Variants in CSMD1 observed in about 807,000 individuals in gnomAD.
The protein encoded by CSMD1 is CUB and Sushi multiple domains 1.
In CSMD1, 213 loss-of-function variants were observed where a neutral mutation model predicts 417.5. That is an observed-to-expected ratio of 0.51 (90% CI 0.46 to 0.57). The LOEUF is 0.57. Ranked by LOEUF, CSMD1 falls within the 20% of genes least tolerant of loss-of-function variation. The pLI, the probability that CSMD1 is intolerant of heterozygous loss-of-function variation, is 0.00. For synonymous variants in CSMD1, 2,862 were observed against 1,736.8 expected (o/e 1.65, Z -16.11); for missense variants, 6,923 against 4,529.7 (o/e 1.53, Z -15.17).
At chr8:4,751,555 G>C (rs535937010) in intron 1 of CSMD1, among the ~76,000 whole-genome samples, 1 of 152,204 alleles carries the variant, frequency 6.6e-6, no homozygotes, top group East Asian at 1.9e-4. Flanking sequence ...AAGATTTTAT[G>C]ATCCTAATAG....
chr8:3,641,437 T>C lies in CSMD1; in HGVS notation c.1010-24640A>G, dbSNP rs536200474. 7.2e-5 allele frequency among the ~76,000 whole-genome samples: 11 copies of C among 152,308 alleles called. No homozygotes were observed. The South Asian group carries it at 1.7e-3, about 23-fold the overall frequency. The stretch of plus-strand genomic sequence containing the variant: ...AATTGGGTTCTTCTTATAACCCACA[T>C]CACTCCTACTTTATCAGTAAGTGGT... On this transcript the variant is annotated intron_variant, in intron 7 of 69. Coordinates refer to ENST00000635120, the MANE Select transcript of CSMD1 (RefSeq NM_033225.6).
intron 23 of CSMD1, among the ~76,000 whole-genome samples, chr8:3,309,178 C>A (rs1165948672): frequency 1.3e-5 from 2 of 152,134 alleles, no homozygotes; most frequent in Non-Finnish European, 2.9e-5. Context: ...CAACCTAGAC[C>A]TCCAAGGAAG....
intron 1 of CSMD1, among the ~76,000 whole-genome samples, chr8:4,639,251 A>T (rs1310168160): frequency 2.1e-4 from 28 of 131,442 alleles, no homozygotes; most frequent in Non-Finnish European, 2.4e-4. Flanking sequence ...GTGGTTGTCA[A>T]TTTTTTTTTT....
chr8:3,276,005 C>G (rs562665932), intron 26 of CSMD1, among the ~76,000 whole-genome samples: 25 of 152,310 alleles, frequency 1.6e-4, no homozygotes, highest in African/African-American at 6.0e-4. Flanking sequence ...GAGAGGCACT[C>G]TGCTTTTTAG....
chr8:4,164,512 G>A (rs1211246457), intron 3 of CSMD1, among the ~76,000 whole-genome samples: 5 of 151,960 alleles, frequency 3.3e-5, no homozygotes, highest in Non-Finnish European at 7.4e-5. Flanking sequence ...TCCTACCAAT[G>A]TCCCCAGGCG....
At chr8:3,792,838 T>G (rs1433704107) in intron 5 of CSMD1, among the ~76,000 whole-genome samples, 1 of 152,202 alleles carries the variant, frequency 6.6e-6, no homozygotes, top group Non-Finnish European at 1.5e-5. Context: ...TGTATTTGAC[T>G]TGAAGCACAG....
At chr8:4,529,897 ATTTT>A (rs1286671702) in intron 2 of CSMD1, among the ~76,000 whole-genome samples, 8 of 147,338 alleles carry the variant, frequency 5.4e-5, no homozygotes, top group African/African-American at 2.0e-4. Context: ...AATTTATTTA[ATTTT>A]TTTATTTTTA....
At chr8:4,278,296 A>G (rs927235664) in intron 3 of CSMD1, among the ~76,000 whole-genome samples, 1 of 152,172 alleles carries the variant, frequency 6.6e-6, no homozygotes, top group Admixed American at 6.5e-5. Flanking sequence ...CAAGGAGGTT[A>G]AAAACACAGC....
intron 5 of CSMD1, among the ~76,000 whole-genome samples, chr8:3,938,720 A>G (rs2627529): frequency 0.45 from 68,173 of 152,026 alleles, 15,366 homozygotes; most frequent in East Asian, 0.54. Flanking sequence ...AGACCCAAAC[A>G]TAAGTTGTTT....
chr8:4,072,963 C>T (rs571911121), intron 3 of CSMD1, among the ~76,000 whole-genome samples: 6 of 152,212 alleles, frequency 3.9e-5, no homozygotes, highest in Middle Eastern at 3.4e-3. Context: ...AAATTTTGCT[C>T]GTGACATCAG....
chr8:4,690,972 C>T (rs545171563), intron 1 of CSMD1, among the ~76,000 whole-genome samples: 6 of 152,154 alleles, frequency 3.9e-5, no homozygotes, highest in Non-Finnish European at 7.3e-5. Flanking sequence ...CATGATCTGC[C>T]TGCCGTGGCC....
intron 3 of CSMD1, among the ~76,000 whole-genome samples, chr8:4,351,803 T>C (rs900704752): frequency 2.0e-5 from 3 of 152,068 alleles, no homozygotes; most frequent in Middle Eastern, 3.2e-3. Flanking sequence ...GAATCCAGCA[T>C]CTCAAAAGGA....
chr8:4,030,782 C>T (rs887600410), intron 4 of CSMD1, among the ~76,000 whole-genome samples: 3 of 152,132 alleles, frequency 2.0e-5, no homozygotes, highest in Admixed American at 6.5e-5. Flanking sequence ...AACTTTTATG[C>T]TTTGCTTGCC....
chr8:4,775,475 T>C (rs1796807038), intron 1 of CSMD1, among the ~76,000 whole-genome samples: 1 of 152,188 alleles, frequency 6.6e-6, no homozygotes, highest in South Asian at 2.1e-4. Flanking sequence ...ATTAAGATAT[T>C]GGAAGGGTAT....
At chr8:3,279,422 T>A (rs986867345) in intron 26 of CSMD1, among the ~76,000 whole-genome samples, 4 of 152,188 alleles carry the variant, frequency 2.6e-5, no homozygotes, top group Non-Finnish European at 5.9e-5. Context: ...AAAATGACTT[T>A]TATTTTACAG....
intron 3 of CSMD1, among the ~76,000 whole-genome samples, chr8:4,141,713 C>G (rs539249975): frequency 2.6e-5 from 4 of 151,192 alleles, no homozygotes; most frequent in Non-Finnish European, 5.9e-5. Flanking sequence ...CAATTCTGAT[C>G]TAATAATCTT....
intron 5 of CSMD1, among the ~76,000 whole-genome samples, chr8:3,839,389 CATAT>C (rs1375358967): frequency 5.1e-5 from 3 of 58,960 alleles, no homozygotes; most frequent in African/African-American, 1.0e-4. Context: ...ATACAGTCTC[CATAT>C]ATATTTATAT....
chr8:4,574,110 C>A (rs1020558961), intron 2 of CSMD1, among the ~76,000 whole-genome samples: 5 of 152,068 alleles, frequency 3.3e-5, no homozygotes, highest in Non-Finnish European at 4.4e-5. Flanking sequence ...CTGGCTTCAG[C>A]CCCCTTTCCA....
At chr8:4,891,379 A>C (rs1292112709) in intron 1 of CSMD1, among the ~76,000 whole-genome samples, 1 of 152,162 alleles carries the variant, frequency 6.6e-6, no homozygotes, top group African/African-American at 2.4e-5. Flanking sequence ...TCATTGAATA[A>C]CTTGACCCTT....
Sources: gnomAD v4.1 joint callset for allele counts (sites outside exome capture counted in the v4.1 genomes callset) on GRCh38, gnomAD v4.1.1 for gene constraint, MANE v1.5 for transcripts, NCBI Gene and HGNC (gene_info 2026-07-23, HGNC 2026-07-21) for gene names.